SULT1C2: variants seen among roughly 807,000 people sequenced by gnomAD.
The protein encoded by SULT1C2 is sulfotransferase 1C2.
A neutral mutation model predicts 36.0 loss-of-function variants in SULT1C2; 27 were observed. The ratio of observed to expected loss-of-function variants is 0.75; its 90% CI spans 0.55 to 1.03. SULT1C2 has a LOEUF of 1.03. Among genes scored for constraint, SULT1C2 ranks in the 50% least tolerant of loss-of-function variants. The probability of loss-of-function intolerance (pLI) is 0.00; values close to 1 mark genes in which losing one functional copy is unlikely to be tolerated. For synonymous variants in SULT1C2, 121 were observed against 116.0 expected, an observed-to-expected ratio of 1.04 and a Z score of -0.27; for missense variants, 395 against 359.2, an observed-to-expected ratio of 1.10 and a Z score of -0.80.
intron 2 of SULT1C2, 22 bp from the exon 3 acceptor site, chr2:108,294,207 A>ATCCTTCCT: frequency 6.2e-7 from 1 of 1,612,602 alleles, no homozygotes; most frequent in East Asian, 2.2e-5. Context: ...TCTGCTTCTC[A>ATCCTTCCT]TCCTTCCTTT....
rs1186475313 is a variant in SULT1C2, at chr2:108,289,080, T to C, written c.-22+10T>C. On this transcript the variant is annotated intron_variant, in intron 1 of 7. Transcript: ENST00000251481. Reference sequence around the variant, plus strand: ...CAGCTGGAACTTGAAGGTAAGAATATGGCTTAAAAGAAATTCTGTACCTAA... The same window carrying C: ...CAGCTGGAACTTGAAGGTAAGAATACGGCTTAAAAGAAATTCTGTACCTAA... 1 of 152,644 alleles carries C rather than the reference T, an allele frequency of 6.6e-6. No homozygotes were observed. Among genetic ancestry groups the C allele is most frequent in the African/African-American group, 2.4e-5 (1 of 41,452 alleles). 9.5% of individuals were successfully genotyped at this position (152,644 alleles called of 1,614,324 possible). A position where few individuals can be genotyped will look rare whatever the true frequency, so the allele number is the denominator to read the frequency against.
At chr2:108,304,771 A>AT in intron 5 of SULT1C2, 71 bp downstream of exon 5, 1 of 1,544,444 alleles carries the variant, frequency 6.5e-7, no homozygotes, top group Non-Finnish European at 8.7e-7. Flanking sequence ...CACAGGCAGC[A>AT]TTTTATCCCC....
chr2:108,306,053 C>G (rs1412377260), intron 7 of SULT1C2, among the ~76,000 whole-genome samples: 4 of 152,168 alleles, frequency 2.6e-5, no homozygotes, highest in African/African-American at 9.7e-5. Context: ...TAACCAGCTT[C>G]CGGTCTCTCC....
intron 1 of SULT1C2, among the ~76,000 whole-genome samples, chr2:108,292,394 ACACACACAC>A (rs1676614812): frequency 5.4e-4 from 1 of 1,848 alleles, no homozygotes; most frequent in Admixed American, 8.2e-3. Context: ...AACAATGACA[ACACACACAC>A]ACACACACAC....
intron 4 of SULT1C2, chr2:108,302,146 C>CA (rs757746958): frequency 1.3e-5 from 2 of 152,152 alleles, no homozygotes; most frequent in Non-Finnish European, 2.9e-5. Flanking sequence ...AACTGAAACT[C>CA]AGAGAGGCAA....
intron 3 of SULT1C2, 184 bp from the exon 4 acceptor site, chr2:108,300,654 C>T (rs1042738383): frequency 2.0e-6 from 2 of 1,021,364 alleles, no homozygotes; most frequent in East Asian, 2.8e-5. Context: ...ATCCAGGACT[C>T]AAGCTGTGTG....
At chr2:108,305,678 A>T in intron 7 of SULT1C2, 83 bp downstream of exon 7, 2 of 1,529,074 alleles carry the variant, frequency 1.3e-6, no homozygotes, top group Non-Finnish European at 1.8e-6. Flanking sequence ...GAGTTTTATT[A>T]ATTCCAAGCC....
intron 5 of SULT1C2, 46 bp from the exon 6 acceptor site, chr2:108,305,126 T>G: frequency 6.2e-7 from 1 of 1,607,168 alleles, no homozygotes; most frequent in Non-Finnish European, 8.5e-7. Context: ...CAGAAGGTTT[T>G]GTGTGATGCC....
At chr2:108,296,125 C>A (rs538876309) in intron 3 of SULT1C2, among the ~76,000 whole-genome samples, 3 of 152,280 alleles carry the variant, frequency 2.0e-5, no homozygotes, top group African/African-American at 7.2e-5. Flanking sequence ...TACCTCCTGC[C>A]CCTGCCGCTG....
In SULT1C2 at chr2:108,292,082, C is replaced by A. The variant is rs546002065; in HGVS notation, c.-21-1565C>A. ...CATCCATTCCATGAAGCAGCTGGGC[C>A]AGATTATTTTATTCAACCTCTAGCA... On this transcript the variant is annotated intron_variant, in intron 1 of 7. Transcript: ENST00000251481. 2.0e-5 allele frequency among the ~76,000 whole-genome samples: 3 copies of A among 152,178 alleles called. No individual in the cohort carries two copies. The East Asian group carries it at 5.8e-4, about 29-fold the overall frequency.
intron 5 of SULT1C2, 131 bp downstream of exon 5, chr2:108,304,831 G>A: frequency 7.9e-7 from 1 of 1,273,274 alleles, no homozygotes; most frequent in Non-Finnish European, 1.1e-6. Flanking sequence ...CTGGGACTGG[G>A]CAGAGCAAGC....
Position 108,295,150 on chromosome 2 carries a change from C to T in SULT1C2, c.277+796C>T, listed in dbSNP as rs1676692773. On this transcript the variant is annotated intron_variant, in intron 3 of 7. Coordinates refer to ENST00000251481, the MANE Select transcript of SULT1C2 (RefSeq NM_001056.4). Reference sequence around the variant, plus strand: ...CTAAAAATGTCCTAAGATAGAAATTCCCTGATCTGATGCATACAAGACACT... The same window carrying T: ...CTAAAAATGTCCTAAGATAGAAATTTCCTGATCTGATGCATACAAGACACT... 2.0e-5 allele frequency among the ~76,000 whole-genome samples: 3 copies of T among 152,202 alleles called. 1 individual carries two copies. In the South Asian group the frequency reaches 6.2e-4, roughly 32 times the overall value.
chr2:108,294,439 T>TCC, intron 3 of SULT1C2, 85 bp downstream of exon 3: 1 of 775,868 alleles, frequency 1.3e-6, no homozygotes, highest in South Asian at 2.0e-5. Flanking sequence ...TTTTCTCCTC[T>TCC]TCTCTCCTCT....
chr2:108,293,871 A>G, intron 2 of SULT1C2, 53 bp downstream of exon 2: 1 of 1,581,268 alleles, frequency 6.3e-7, no homozygotes, highest in South Asian at 1.2e-5. Context: ...GCACAGGCTC[A>G]TCACTTAAGT....
intron 4 of SULT1C2, chr2:108,302,114 T>C (rs1333488022): frequency 6.6e-6 from 1 of 152,196 alleles, no homozygotes; most frequent in Non-Finnish European, 1.5e-5. Flanking sequence ...ATAAAGTCCC[T>C]AAGTTTAGAA....
chr2:108,299,127 T>G (rs905179372), intron 3 of SULT1C2: 1 of 152,562 alleles, frequency 6.6e-6, no homozygotes, highest in East Asian at 1.9e-4. Flanking sequence ...GTTCCTAATC[T>G]GTGCCTCACT....
intron 7 of SULT1C2, among the ~76,000 whole-genome samples, chr2:108,307,561 T>G (rs867340933): frequency 1.3e-5 from 2 of 152,254 alleles, no homozygotes; most frequent in East Asian, 3.8e-4. Flanking sequence ...AATATCTTTG[T>G]GCATAAATTA....
At chr2:108,298,730 C>A in intron 3 of SULT1C2, 1 of 304,808 alleles carries the variant, frequency 3.3e-6, no homozygotes, top group Non-Finnish European at 6.4e-6. Flanking sequence ...ATTAGGTACC[C>A]AATAACTGAG....
At chr2:108,298,022 G>A (rs747237075) in intron 3 of SULT1C2, among the ~76,000 whole-genome samples, 1 of 152,170 alleles carries the variant, frequency 6.6e-6, no homozygotes, top group Non-Finnish European at 1.5e-5. Context: ...CATTAAATCA[G>A]GTGTAATAGG....
Sources: allele counts gnomAD v4.1 joint callset (sites outside exome capture counted in the v4.1 genomes callset), GRCh38; gene constraint gnomAD v4.1.1; transcripts MANE v1.5; gene names NCBI Gene and HGNC (gene_info 2026-07-23, HGNC 2026-07-21).